The following PRRX1 variants were observed in gnomAD, a reference collection of about 807,000 sequenced individuals.
PRRX1 encodes the protein paired related homeobox 1.
In PRRX1, 8 loss-of-function variants were observed where a neutral mutation model predicts 24.0. That is an observed-to-expected ratio of 0.33 (90% confidence interval 0.20 to 0.60). PRRX1 has a LOEUF of 0.60. Among genes scored for constraint, PRRX1 ranks in the 20% least tolerant of loss-of-function variants. The probability of loss-of-function intolerance (pLI) is 0.82; values close to 1 mark genes in which losing one functional copy is unlikely to be tolerated. For missense variants in PRRX1, 281 were observed against 322.4 expected, an observed-to-expected ratio of 0.87 and a Z score of 0.98; for synonymous variants, 160 against 131.7, an observed-to-expected ratio of 1.22 and a Z score of -1.47.
intron 3 of PRRX1, chr1:170,728,629 A>G (rs1322154452): frequency 1.3e-5 from 2 of 152,240 alleles, no homozygotes; most frequent in Non-Finnish European, 2.9e-5. Context: ...ATCTGTTCAT[A>G]TTCTGTATGA....
intron 1 of PRRX1, among the ~76,000 whole-genome samples, chr1:170,689,638 C>T (rs76026020): frequency 6.6e-6 from 1 of 152,070 alleles, no homozygotes; most frequent in East Asian, 1.9e-4. Flanking sequence ...TTTATGGTTC[C>T]AAGGTCCTGA....
At position 170,686,179 on chromosome 1, in the gene PRRX1, C is replaced by CAAAAA. The variant is rs397754426; in HGVS notation, c.241+21732_241+21736dup. Among the ~76,000 whole-genome samples the CAAAAA allele has an allele frequency of 5.4e-4, 57 of 105,218 alleles. 2 individuals carry two copies. Among genetic ancestry groups the CAAAAA allele is most frequent in the African/African-American group, 1.9e-3 (56 of 28,938 alleles). The allele number at this position is 105,218 out of a possible 152,430, so 69.0% of individuals were successfully genotyped here. A position where few individuals can be genotyped will look rare whatever the true frequency, so the allele number is the denominator to read the frequency against. On this transcript the variant is annotated intron_variant, in intron 1 of 3. Transcript: ENST00000239461. Reference sequence around the variant, plus strand: ...CCTGATAGATCCTTAGTTAAGGGTACAAAAAAAAAAAAAAAACAAGTTGCT... The same window carrying CAAAAA: ...CCTGATAGATCCTTAGTTAAGGGTACAAAAAAAAAAAAAAAAAAAAACAAGTTGCT...
At chr1:170,682,982 C>G (rs1442092853) in intron 1 of PRRX1, among the ~76,000 whole-genome samples, 1 of 152,084 alleles carries the variant, frequency 6.6e-6, no homozygotes, top group African/African-American at 2.4e-5. Context: ...GAAAGAAGGT[C>G]AATGTGACTG....
At chr1:170,663,885 C>T (rs1194352335), upstream of PRRX1, 1 of 263,292 alleles carries the variant, frequency 3.8e-6, no homozygotes, top group East Asian at 6.2e-5. Context: ...TTTTTTTCTC[C>T]TGACTTGAAC....
chr1:170,680,143 C>G (rs986176041), intron 1 of PRRX1, among the ~76,000 whole-genome samples: 1 of 152,052 alleles, frequency 6.6e-6, no homozygotes, highest in Non-Finnish European at 1.5e-5. Context: ...TTTCAGGGCT[C>G]TTGTCCTAAA....
intron 1 of PRRX1, among the ~76,000 whole-genome samples, chr1:170,685,512 T>C (rs905351785): frequency 6.6e-6 from 1 of 152,214 alleles, no homozygotes; most frequent in Admixed American, 6.5e-5. Context: ...GTTTAAAAAG[T>C]ATTCATTTTG....
At chr1:170,713,947 G>A (rs1654825588) in intron 1 of PRRX1, among the ~76,000 whole-genome samples, 1 of 152,178 alleles carries the variant, frequency 6.6e-6, no homozygotes, top group Non-Finnish European at 1.5e-5. Flanking sequence ...GTTCGCTCTT[G>A]ATACGTGCTG....
intron 3 of PRRX1, among the ~76,000 whole-genome samples, chr1:170,731,639 T>C (rs189479090): frequency 3.3e-5 from 5 of 152,112 alleles, no homozygotes; most frequent in Admixed American, 2.6e-4. Context: ...CATTTTTTTT[T>C]CCTCACAACT....
intron 1 of PRRX1, among the ~76,000 whole-genome samples, chr1:170,712,379 A>G (rs1330085434): frequency 1.3e-5 from 2 of 152,042 alleles, no homozygotes; most frequent in Non-Finnish European, 2.9e-5. Context: ...GCTTTTATTC[A>G]TTTTTCCAGT....
At chr1:170,721,605 G>C (rs1655087954) in intron 2 of PRRX1, among the ~76,000 whole-genome samples, 2 of 152,176 alleles carry the variant, frequency 1.3e-5, no homozygotes, top group African/African-American at 4.8e-5. Context: ...GAAGAAAGTC[G>C]TGGGAGCCTG....
chr1:170,692,740 C>G (rs1654035087), intron 1 of PRRX1, among the ~76,000 whole-genome samples: 1 of 132,790 alleles, frequency 7.5e-6, no homozygotes, highest in Non-Finnish European at 1.7e-5. Context: ...CTCTCTCTCT[C>G]TCACACACAC....
intron 1 of PRRX1, among the ~76,000 whole-genome samples, chr1:170,675,197 A>C (rs1286327019): frequency 6.6e-6 from 1 of 152,236 alleles, no homozygotes; most frequent in African/African-American, 2.4e-5. Flanking sequence ...AAAGTCCTTC[A>C]GAGTAAACAG....
chr1:170,666,217 G>A (rs1652922513), intron 1 of PRRX1, among the ~76,000 whole-genome samples: 1 of 151,990 alleles, frequency 6.6e-6, no homozygotes, highest in African/African-American at 2.4e-5. Context: ...TCAGGAGTTC[G>A]AGACCAGCCT....
rs1301011191 is a variant in PRRX1, at chr1:170,694,198, G to A, written c.242-25528G>A. Among the ~76,000 whole-genome samples the A allele has an allele frequency of 6.6e-5, 10 of 151,998 alleles. 1 individual carries two copies. In the East Asian group the frequency reaches 1.2e-3, roughly 18 times the overall value. On this transcript the variant is annotated intron_variant, in intron 1 of 3. Transcript: ENST00000239461. ...TAGTACCTGCCAACACATGAAACAC[G>A]GTAGAAAGGTTTGATCAATTTTTTA...
rs201365132 is a variant in PRRX1, at chr1:170,726,325, G to T, written c.523G>T (p.Val175Leu). 55 of 1,614,050 alleles carry T rather than the reference G, an allele frequency of 3.4e-5. No individual in the cohort carries two copies. The highest frequency in any genetic ancestry group is 4.7e-5 in the Non-Finnish European group (55 of 1,179,988). ...LKSYSGDVTA[V>L]EQPIVPRPAP... ...ATCCTACTCAGGAGACGTGACTGCTGTGGAGCAGCCCATCGTACCTCGTCC... is the reference window on the plus strand; with the variant it reads ...ATCCTACTCAGGAGACGTGACTGCTTTGGAGCAGCCCATCGTACCTCGTCC... The change falls in exon 3 of 4, where the codon GTG (valine) becomes TTG (leucine). Residue 175 changes from valine to leucine, a missense_variant. Physicochemically the swap from Val to Leu is conservative, Grantham distance 32. Transcript: ENST00000239461.
rs921777191 is a variant in PRRX1, at chr1:170,726,054, C to T, written c.418-166C>T. Reference sequence around the variant, plus strand: ...AAGAATGGCCCTCATTGAGGGAAGGCGGATGGCATGTTTCTATTGTTCTAC... The same window carrying T: ...AAGAATGGCCCTCATTGAGGGAAGGTGGATGGCATGTTTCTATTGTTCTAC... On this transcript the variant is annotated intron_variant, in intron 2 of 3. Coordinates refer to ENST00000239461, the MANE Select transcript of PRRX1 (RefSeq NM_022716.4). Among the ~76,000 whole-genome samples, 7 of 152,112 alleles carry T rather than the reference C, an allele frequency of 4.6e-5. No homozygotes were observed. In the East Asian group the frequency reaches 1.3e-3, roughly 29 times the overall value.
chr1:170,681,034 A>G (rs2101891477), intron 1 of PRRX1, among the ~76,000 whole-genome samples: 1 of 152,348 alleles, frequency 6.6e-6, no homozygotes, highest in South Asian at 2.1e-4. Context: ...CTTGAGACTC[A>G]GAAATGATTC....
intron 1 of PRRX1, among the ~76,000 whole-genome samples, chr1:170,690,691 TTAAG>T (rs56053114): frequency 0.24 from 36,562 of 151,794 alleles, 5,311 homozygotes; most frequent in Middle Eastern, 0.35. Context: ...AAATTAGACT[TTAAG>T]TATTCAAATG....
At chr1:170,672,093 T>G (rs1653163305) in intron 1 of PRRX1, among the ~76,000 whole-genome samples, 1 of 152,060 alleles carries the variant, frequency 6.6e-6, no homozygotes, top group South Asian at 2.1e-4. Context: ...CCCCAAATCT[T>G]GTGTGAGCCT....
Sources: gnomAD v4.1 joint callset for allele counts (sites outside exome capture counted in the v4.1 genomes callset) on GRCh38, gnomAD v4.1.1 for gene constraint, MANE v1.5 for transcripts, NCBI Gene and HGNC (gene_info 2026-07-23, HGNC 2026-07-21) for gene names.